The following LARP1 variants were observed in gnomAD, a reference collection of about 807,000 sequenced individuals.
LARP1 encodes the protein la-related protein 1.
Under a neutral mutation model 122.7 loss-of-function variants are expected in LARP1, and 36 were observed. The observed-to-expected ratio is 0.29, with a 90% CI of 0.22 to 0.39. The LOEUF (loss-of-function observed/expected upper bound fraction) is 0.39, where lower values mean the gene tolerates loss of function less well. LARP1 is among the 10% of genes least tolerant of loss of function. The pLI is 1.00. For synonymous variants in LARP1, 539 were observed against 528.7 expected (o/e 1.02, Z -0.27); for missense variants, 1,040 against 1,403.6 (o/e 0.74, Z 4.14).
intron 15 of LARP1, among the ~76,000 whole-genome samples, chr5:154,807,741 CA>C (rs779781747): frequency 1.5e-4 from 23 of 152,072 alleles, no homozygotes; most frequent in Non-Finnish European, 2.6e-4. Flanking sequence ...TCTGTAGAGA[CA>C]GGGGTCTCAC....
upstream of LARP1, among the ~76,000 whole-genome samples, chr5:154,709,051 G>T (rs1252869482): frequency 6.6e-6 from 1 of 152,212 alleles, no homozygotes. Context: ...TAACAATTGT[G>T]TCTCAATATC....
chr5:154,726,922 T>G (rs1756250648), intron 1 of LARP1, among the ~76,000 whole-genome samples: 1 of 152,208 alleles, frequency 6.6e-6, no homozygotes, highest in South Asian at 2.1e-4. Flanking sequence ...CTTGTGAGAC[T>G]CACTCGTTAT....
intron 1 of LARP1, among the ~76,000 whole-genome samples, chr5:154,779,197 C>A (rs915260801): frequency 9.9e-5 from 15 of 152,148 alleles, no homozygotes; most frequent in African/African-American, 3.6e-4. Context: ...AAGTCTGACT[C>A]CTGGGATCAT....
chr5:154,779,865 G>A (rs868301331), intron 1 of LARP1, among the ~76,000 whole-genome samples: 1 of 152,114 alleles, frequency 6.6e-6, no homozygotes, highest in Admixed American at 6.5e-5. Flanking sequence ...GTGTGCAGGG[G>A]TGGGGAGTCT....
chr5:154,744,079 A>C (rs780746507), intron 1 of LARP1, among the ~76,000 whole-genome samples: 21 of 152,204 alleles, frequency 1.4e-4, no homozygotes, highest in Non-Finnish European at 2.6e-4. Context: ...CGCAACCGAG[A>C]TAAAGGGCAG....
intron 1 of LARP1, among the ~76,000 whole-genome samples, chr5:154,788,530 G>A (rs925035834): frequency 9.9e-5 from 15 of 152,184 alleles, no homozygotes; most frequent in African/African-American, 3.6e-4. Context: ...TTTCTCTGCT[G>A]CTCGGGGTTT....
At chr5:154,762,848 T>G (rs1209044716) in intron 1 of LARP1, among the ~76,000 whole-genome samples, 3 of 152,172 alleles carry the variant, frequency 2.0e-5, no homozygotes, top group African/African-American at 7.2e-5. Flanking sequence ...CAGAGGAAAT[T>G]AAGTCCCACA....
chr5:154,691,018 GGGAGGCCGA>G (rs977617530), intron 1 of LARP1, among the ~76,000 whole-genome samples: 1 of 152,172 alleles, frequency 6.6e-6, no homozygotes, highest in Non-Finnish European at 1.5e-5. Flanking sequence ...CCAGCACTTT[GGGAGGCCGA>G]GGAGGGCGGA....
intron 1 of LARP1, among the ~76,000 whole-genome samples, chr5:154,784,739 C>T (rs908108531): frequency 2.6e-5 from 4 of 152,222 alleles, no homozygotes; most frequent in African/African-American, 9.6e-5. Context: ...GTTTGAATCA[C>T]CCATGTGCTT....
intron 1 of LARP1, among the ~76,000 whole-genome samples, chr5:154,746,632 G>C (rs1753211350): frequency 6.6e-6 from 1 of 152,170 alleles, no homozygotes; most frequent in Non-Finnish European, 1.5e-5. Flanking sequence ...TTCTTCAGCT[G>C]CCAACCAAAG....
intron 1 of LARP1, among the ~76,000 whole-genome samples, chr5:154,770,175 A>G (rs960059958): frequency 4.6e-5 from 7 of 151,440 alleles, no homozygotes; most frequent in Non-Finnish European, 1.0e-4. Context: ...CTACTTCTGT[A>G]GTAGTCCAGG....
At chr5:154,776,341 A>G (rs1043021477) in intron 1 of LARP1, among the ~76,000 whole-genome samples, 1 of 152,166 alleles carries the variant, frequency 6.6e-6, no homozygotes, top group Non-Finnish European at 1.5e-5. Flanking sequence ...TTGTGACCTC[A>G]TATCTGTCAG....
At position 154,720,955 on chromosome 5, in the gene LARP1, G is replaced by A. The variant is rs558849829; in HGVS notation, c.205+7825G>A. ...AACCATCCAATCAGAGAGCCTCTGA[G>A]TCTGCATCCATAATCTCTGCTTCAG... is the stretch of plus-strand genomic sequence containing the variant. On this transcript the variant is annotated intron_variant, in intron 1 of 18. Coordinates refer to the LARP1 transcript ENST00000336314. Among the ~76,000 whole-genome samples, 2 of 152,086 alleles carry A rather than the reference G, an allele frequency of 1.3e-5. 1 individual carries two copies. The highest frequency in any genetic ancestry group is 4.1e-4 in the South Asian group (2 of 4,820).
At position 154,793,943 on chromosome 5, in the gene LARP1, C is replaced by T. The variant is rs1479520806; in HGVS notation, c.1012C>T (p.Arg338Cys). Residue 338 changes from arginine to cysteine, a missense_variant, in exon 6 of 19, where the codon CGT becomes TGT. This residue lies in a region of LARP1 where 178 missense variants were observed against 178.3 expected (regional missense o/e 1.00). Coordinates refer to ENST00000518297, the MANE Select transcript of LARP1 (RefSeq NM_033551.3). ...DGAGGARASFRGRGRGRGRGR... is the reference protein window; with the variant it reads ...DGAGGARASFCGRGRGRGRGR... ...GGCTGGTGGGGCGCGGGCTTCCTTC[C>T]GTGGCCGTGGACGGGGGCGTGGTCG... 12 of 1,613,562 alleles carry T rather than the reference C, an allele frequency of 7.4e-6. No homozygotes were observed. Among genetic ancestry groups the T allele is most frequent in the Non-Finnish European group, 1.0e-5 (12 of 1,179,722 alleles).
chr5:154,734,732 C>T (rs970211398), intron 1 of LARP1, among the ~76,000 whole-genome samples: 1 of 151,898 alleles, frequency 6.6e-6, no homozygotes, highest in Non-Finnish European at 1.5e-5. Flanking sequence ...CATTCAGTAG[C>T]GTTAAGTATA....
Position 154,804,193 on chromosome 5 carries a change from C to T in LARP1, c.2440-8C>T, listed in dbSNP as rs781038600. On this transcript the variant is annotated splice_polypyrimidine_tract_variant and splice_region_variant and intron_variant, in intron 13 of 18. Coordinates refer to ENST00000518297, the MANE Select transcript of LARP1 (RefSeq NM_033551.3). Reference sequence around the variant, plus strand: ...AAACAGTAACAAACCCTGGGCTAACCTTTGCAGATGCCTCGAAAAAGAAAG... The same window carrying T: ...AAACAGTAACAAACCCTGGGCTAACTTTTGCAGATGCCTCGAAAAAGAAAG... 1.2e-5 allele frequency: 19 copies of T among 1,611,490 alleles called. No individual in the cohort carries two copies. In the Admixed American group the frequency reaches 2.5e-4, roughly 21 times the overall value.
chr5:154,737,751 C>T (rs150626478), intron 1 of LARP1, among the ~76,000 whole-genome samples: 4,773 of 152,196 alleles, frequency 0.031, 103 homozygotes, highest in Non-Finnish European at 0.045. Context: ...AACTCTCTTC[C>T]CCAAGCTTCT....
upstream of LARP1, among the ~76,000 whole-genome samples, chr5:154,708,571 A>G (rs1235849670): frequency 6.6e-6 from 1 of 152,148 alleles, no homozygotes; most frequent in Non-Finnish European, 1.5e-5. Context: ...CATGTACTAT[A>G]ATGTGGCTGA....
At chr5:154,778,258 T>TAA (rs577057003) in intron 1 of LARP1, among the ~76,000 whole-genome samples, 26 of 119,686 alleles carry the variant, frequency 2.2e-4, no homozygotes, top group African/African-American at 3.7e-4. Flanking sequence ...AGACTCCGTC[T>TAA]AAAAAAAAAA....
Sources: gnomAD v4.1 joint callset for allele counts (sites outside exome capture counted in the v4.1 genomes callset) on GRCh38, gnomAD v4.1.1 for gene constraint, gnomAD v4.1.1 regional missense constraint, MANE v1.5 for transcripts, NCBI Gene and HGNC (gene_info 2026-07-23, HGNC 2026-07-21) for gene names.